Variants in MMS22L observed in about 807,000 individuals in gnomAD.
MMS22L encodes protein MMS22-like.
Under a neutral mutation model 159.1 loss-of-function variants are expected in MMS22L, and 74 were observed. That is an observed-to-expected ratio of 0.47 (90% confidence interval 0.39 to 0.56). The LOEUF (loss-of-function observed/expected upper bound fraction) is 0.56. Ranked by LOEUF, MMS22L falls within the 20% of genes least tolerant of loss-of-function variation. MMS22L has a pLI of 0.00. For synonymous variants in MMS22L, 517 were observed against 506.9 expected (o/e 1.02, Z -0.27); for missense variants, 1,351 against 1,422.1 (o/e 0.95, Z 0.80).
In MMS22L at chr6:97,229,066, G is replaced by A. The variant is rs1420205914; in HGVS notation, c.1867C>T (p.Leu623Phe). 1 of 1,613,922 alleles carries A rather than the reference G, an allele frequency of 6.2e-7. No homozygotes were observed. Among genetic ancestry groups the A allele is most frequent in the Non-Finnish European group, 8.5e-7 (1 of 1,179,984 alleles). The change falls in exon 14 of 25, where the codon CTT (leucine) becomes TTT (phenylalanine). Residue 623 changes from leucine to phenylalanine, a missense_variant. Transcript: ENST00000683635. ...ACACCATCAATGTATATGGAAAGAAGGGTCCAGATAGTCTGTCTCTGTACC... is the reference window on the plus strand; with the variant it reads ...ACACCATCAATGTATATGGAAAGAAAGGTCCAGATAGTCTGTCTCTGTACC... ...EMVQRQTIWT[L>F]LSIYIDGVQE...
At chr6:97,272,533 C>T (rs981803001) in intron 6 of MMS22L, 171 bp downstream of exon 6, 1 of 572,832 alleles carries the variant, frequency 1.7e-6, no homozygotes, top group East Asian at 2.9e-5. Flanking sequence ...GCTGAGGTGT[C>T]ATTTGCCCAA....
chr6:97,191,833 A>C (rs1805895350), intron 14 of MMS22L, among the ~76,000 whole-genome samples: 2 of 152,240 alleles, frequency 1.3e-5, no homozygotes, highest in African/African-American at 4.8e-5. Context: ...AGAATATAAC[A>C]TAACTAAGGT....
chr6:97,218,693 C>T (rs892930927), intron 14 of MMS22L, among the ~76,000 whole-genome samples: 2 of 152,072 alleles, frequency 1.3e-5, no homozygotes, highest in African/African-American at 4.8e-5. Flanking sequence ...GGAAATTCAA[C>T]AGGAATAGAG....
At chr6:97,198,688 A>G (rs1806812129) in intron 14 of MMS22L, among the ~76,000 whole-genome samples, 1 of 152,158 alleles carries the variant, frequency 6.6e-6, no homozygotes, top group African/African-American at 2.4e-5. Flanking sequence ...CTACAATAGT[A>G]CAAAGGCAGA....
At chr6:97,259,080 GTATT>G (rs1346596917) in intron 9 of MMS22L, 2 of 152,128 alleles carry the variant, frequency 1.3e-5, no homozygotes, top group Non-Finnish European at 2.9e-5. Context: ...TGTCTTTCCA[GTATT>G]TATTTGTGCA....
At chr6:97,248,461 TTTAG>T (rs1340534727) in intron 10 of MMS22L, among the ~76,000 whole-genome samples, 52 of 152,314 alleles carry the variant, frequency 3.4e-4, no homozygotes, top group African/African-American at 1.2e-3. Context: ...AATACAATGA[TTTAG>T]TTATTTTTAG....
chr6:97,198,891 T>A (rs924464006), intron 14 of MMS22L, among the ~76,000 whole-genome samples: 1 of 152,170 alleles, frequency 6.6e-6, no homozygotes. Flanking sequence ...TATTATCATA[T>A]TTCCTCTCAA....
In MMS22L at chr6:97,145,698, G is replaced by A. The variant is rs1800900660; in HGVS notation, c.*1108C>T. 1 of 152,090 alleles carries A rather than the reference G, an allele frequency of 6.6e-6. No individual in the cohort carries two copies. Among genetic ancestry groups the A allele is most frequent in the South Asian group, 2.1e-4 (1 of 4,826 alleles). 9.4% of individuals were successfully genotyped at this position (152,090 alleles called of 1,614,324 possible). A position where few individuals can be genotyped will look rare whatever the true frequency, so the allele number is the denominator to read the frequency against. ...CACAACAACACTGTCAAATAGTAAA[G>A]GGATTCTTCTTTTCTTCTCCATGAA... On this transcript the variant is annotated 3_prime_UTR_variant, in exon 25 of 25. Transcript: ENST00000683635.
At chr6:97,199,405 C>G (rs938761483) in intron 14 of MMS22L, among the ~76,000 whole-genome samples, 1 of 152,078 alleles carries the variant, frequency 6.6e-6, no homozygotes, top group East Asian at 1.9e-4. Context: ...TTTACCTTAA[C>G]GGACTATGTA....
chr6:97,256,346 T>C (rs1219175415), intron 9 of MMS22L, among the ~76,000 whole-genome samples: 4 of 152,152 alleles, frequency 2.6e-5, no homozygotes, highest in African/African-American at 9.7e-5. Flanking sequence ...TACTATGTGC[T>C]TTAGCCGTTT....
chr6:97,203,945 A>G (rs1198507258), intron 14 of MMS22L, among the ~76,000 whole-genome samples: 2 of 152,212 alleles, frequency 1.3e-5, no homozygotes, highest in Non-Finnish European at 2.9e-5. Flanking sequence ...AGTAAACAAT[A>G]TATGATGCTA....
At chr6:97,255,290 A>G (rs1214832094) in intron 9 of MMS22L, among the ~76,000 whole-genome samples, 1 of 152,130 alleles carries the variant, frequency 6.6e-6, no homozygotes, top group African/African-American at 2.4e-5. Flanking sequence ...TGTTCAAGTT[A>G]TTAGACATAA....
At chr6:97,173,479 C>T (rs1315883170) in intron 18 of MMS22L, among the ~76,000 whole-genome samples, 2 of 151,744 alleles carry the variant, frequency 1.3e-5, no homozygotes, top group Non-Finnish European at 2.9e-5. Flanking sequence ...ATAGAAGGGC[C>T]GACTTAGCAA....
intron 4 of MMS22L, among the ~76,000 whole-genome samples, chr6:97,278,548 T>C (rs530633535): frequency 2.0e-5 from 3 of 152,292 alleles, no homozygotes; most frequent in Admixed American, 6.5e-5. Context: ...TGGCACTGTT[T>C]AGTTCTCATT....
chr6:97,263,513 T>C (rs1814727176), intron 8 of MMS22L, 65 bp from the exon 9 acceptor site: 1 of 688,214 alleles, frequency 1.5e-6, no homozygotes, highest in Non-Finnish European at 2.3e-6. Flanking sequence ...GCCATATATC[T>C]TTCAAATACT....
chr6:97,248,616 T>C (rs750183916), intron 10 of MMS22L, among the ~76,000 whole-genome samples: 1 of 152,106 alleles, frequency 6.6e-6, no homozygotes, highest in South Asian at 2.1e-4. Flanking sequence ...TCCCAGCACT[T>C]TGGGAGGCCG....
intron 15 of MMS22L, 127 bp from the exon 16 acceptor site, chr6:97,182,181 T>A: frequency 1.3e-6 from 1 of 764,376 alleles, no homozygotes; most frequent in Non-Finnish European, 2.0e-6. Context: ...AATGTTCTAC[T>A]TAGAAATGTA....
In MMS22L at chr6:97,161,853, T is replaced by C. The variant is rs536865081; in HGVS notation, c.3385+149A>G. On this transcript the variant is annotated intron_variant, in intron 22 of 24. Coordinates refer to ENST00000683635, the MANE Select transcript of MMS22L (RefSeq NM_001350599.2). ...TTTTATCATACCTAATCTGAGCTGC[T>C]AGCTGGAGTTTATTCTTTAACCATG... 6.8e-4 allele frequency: 506 copies of C among 747,012 alleles called. 6 individuals are homozygous for C. In the East Asian group the frequency reaches 0.015, roughly 22 times the overall value. The allele number at this position is 747,012 out of a possible 1,614,324, so 46.3% of individuals were successfully genotyped here. A position where few individuals can be genotyped will look rare whatever the true frequency, so the allele number is the denominator to read the frequency against.
At chr6:97,153,155 A>G (rs1801489740) in intron 22 of MMS22L, among the ~76,000 whole-genome samples, 1 of 151,958 alleles carries the variant, frequency 6.6e-6, no homozygotes. Flanking sequence ...TTATTTCTTA[A>G]AAGAAGAGCT....
Sources: gnomAD v4.1 joint callset for allele counts (sites outside exome capture counted in the v4.1 genomes callset) on GRCh38, gnomAD v4.1.1 for gene constraint, MANE v1.5 for transcripts, NCBI Gene and HGNC (gene_info 2026-07-23, HGNC 2026-07-21) for gene names.